CTNNA1: variants seen among roughly 807,000 people sequenced by gnomAD.
The protein encoded by CTNNA1 is catenin alpha-1.
CTNNA1 carries 37 observed loss-of-function variants against 98.4 expected under a neutral mutation model. The ratio of observed to expected loss-of-function variants is 0.38; its 90% CI spans 0.29 to 0.49. The LOEUF is 0.49. Ranked by LOEUF, CTNNA1 falls within the 20% of genes least tolerant of loss-of-function variation. The probability of loss-of-function intolerance (pLI) is 0.95; values close to 1 mark genes in which losing one functional copy is unlikely to be tolerated. For missense variants in CTNNA1, 761 were observed against 1,147.2 expected, an observed-to-expected ratio of 0.66 and a Z score of 4.86; for synonymous variants, 404 against 413.2, an observed-to-expected ratio of 0.98 and a Z score of 0.27.
At chr5:138,923,831 G>T (rs1448893198) in intron 11 of CTNNA1, among the ~76,000 whole-genome samples, 3 of 152,224 alleles carry the variant, frequency 2.0e-5, no homozygotes, top group Non-Finnish European at 4.4e-5. Context: ...TAGTTTTGGT[G>T]TGTTGCCCAA....
At chr5:138,912,287 A>G (rs926395694) in intron 10 of CTNNA1, among the ~76,000 whole-genome samples, 25 of 152,162 alleles carry the variant, frequency 1.6e-4, no homozygotes, top group African/African-American at 6.0e-4. Flanking sequence ...TTTCTAGGAA[A>G]AGATTAGATG....
chr5:138,769,667 C>T (rs77811072), intron 1 of CTNNA1, among the ~76,000 whole-genome samples: 4,972 of 146,882 alleles, frequency 0.034, 230 homozygotes, highest in African/African-American at 0.11. Context: ...CGAGTTGCTG[C>T]GATTACAGGC....
At chr5:138,913,687 C>A (rs905923131) in intron 10 of CTNNA1, among the ~76,000 whole-genome samples, 2 of 151,618 alleles carry the variant, frequency 1.3e-5, no homozygotes, top group Non-Finnish European at 2.9e-5. Flanking sequence ...CTATTATTTT[C>A]ATTTCTCACC....
intron 7 of CTNNA1, among the ~76,000 whole-genome samples, chr5:138,864,525 G>C (rs1435552967): frequency 6.6e-6 from 1 of 152,074 alleles, no homozygotes; most frequent in Non-Finnish European, 1.5e-5. Flanking sequence ...CGAGAAGAAG[G>C]GTAGTTTTTG....
At chr5:138,893,322 C>T (rs1275246864) in intron 9 of CTNNA1, among the ~76,000 whole-genome samples, 1 of 152,090 alleles carries the variant, frequency 6.6e-6, no homozygotes, top group African/African-American at 2.4e-5. Flanking sequence ...GGTCAGCATC[C>T]CTAGGCTTTC....
rs186928598 is a variant in CTNNA1 at position 138,880,890 on chromosome 5, T to G, written c.1063-5322T>G. Among the ~76,000 whole-genome samples, 173 of 152,216 alleles carry G rather than the reference T, an allele frequency of 1.1e-3. No homozygotes were observed. The highest frequency in any genetic ancestry group is 4.0e-3 in the African/African-American group (167 of 41,532). ...TGGAAACCATCATCTGAGAACCCTC[T>G]TAATAGGTTCTGGGCTGGAGGGGCA... On this transcript the variant is annotated intron_variant, in intron 7 of 17. Transcript: ENST00000302763.
rs1580786471 is a variant in CTNNA1, at chr5:138,916,230, T to C, written c.1390-1512T>C. On this transcript the variant is annotated intron_variant, in intron 10 of 17. Coordinates refer to ENST00000302763, the MANE Select transcript of CTNNA1 (RefSeq NM_001903.5). ...AGAGTTAATGGGAAATGGCTGCTAATGGATATGGATGGGGTTTCTTTTTGG... is the reference window on the plus strand; with the variant it reads ...AGAGTTAATGGGAAATGGCTGCTAACGGATATGGATGGGGTTTCTTTTTGG... Among the ~76,000 whole-genome samples the C allele has an allele frequency of 2.1e-5, 3 of 145,196 alleles. No homozygotes were observed. In the South Asian group the frequency reaches 6.4e-4, roughly 31 times the overall value.
At chr5:138,753,791 G>A (rs1276597745) in intron 1 of CTNNA1, 2 of 265,474 alleles carry the variant, frequency 7.5e-6, no homozygotes, top group Non-Finnish European at 1.4e-5. Flanking sequence ...GGGCTGGGGA[G>A]GAGAAACTAT....
At chr5:138,806,611 C>G (rs1243992255) in intron 3 of CTNNA1, among the ~76,000 whole-genome samples, 1 of 152,132 alleles carries the variant, frequency 6.6e-6, no homozygotes, top group East Asian at 1.9e-4. Flanking sequence ...TTTACTTTGA[C>G]TTCACTCTGG....
chr5:138,869,225 C>A (rs1478862494), intron 7 of CTNNA1: 2 of 149,238 alleles, frequency 1.3e-5, no homozygotes, highest in Admixed American at 1.3e-4. Flanking sequence ...GAAAGAGTTG[C>A]AGAGGTTTCC....
chr5:138,903,068 AAGTG>A (rs1430396102), intron 9 of CTNNA1, among the ~76,000 whole-genome samples: 1 of 152,092 alleles, frequency 6.6e-6, no homozygotes, highest in Non-Finnish European at 1.5e-5. Context: ...CAGGGAGTAT[AAGTG>A]TTGCTTCTTT....
chr5:138,812,506 A>G (rs1758936038), intron 5 of CTNNA1, among the ~76,000 whole-genome samples: 1 of 152,174 alleles, frequency 6.6e-6, no homozygotes, highest in African/African-American at 2.4e-5. Flanking sequence ...TCCTATTTTA[A>G]TTCTTGTGAA....
chr5:138,875,637 G>A (rs1751313681), intron 7 of CTNNA1: 10 of 985,332 alleles, frequency 1.0e-5, no homozygotes, highest in Non-Finnish European at 1.2e-5. Context: ...TAATGCTTGT[G>A]AGAGCCAGTG....
At chr5:138,830,071 G>A (rs2149791416) in intron 7 of CTNNA1, among the ~76,000 whole-genome samples, 1 of 152,190 alleles carries the variant, frequency 6.6e-6, no homozygotes, top group East Asian at 1.9e-4. Context: ...GGAGGCTGAT[G>A]CAGGAGAATG....
At chr5:138,834,872 A>C (rs997525790) in intron 7 of CTNNA1, among the ~76,000 whole-genome samples, 7 of 152,156 alleles carry the variant, frequency 4.6e-5, no homozygotes, top group African/African-American at 1.7e-4. Context: ...GCTGAGTCCA[A>C]AAAGAGAGTC....
intron 7 of CTNNA1, among the ~76,000 whole-genome samples, chr5:138,875,895 GA>G: frequency 6.6e-6 from 1 of 152,156 alleles, no homozygotes; most frequent in Non-Finnish European, 1.5e-5. Context: ...CATTATAAAC[GA>G]AGAATAAAGG....
chr5:138,782,095 TA>T, intron 2 of CTNNA1, 66 bp downstream of exon 2: 3 of 1,470,272 alleles, frequency 2.0e-6, no homozygotes, highest in Non-Finnish European at 2.8e-6. Flanking sequence ...GTAACAACCA[TA>T]AGAGCAAGGT....
At chr5:138,892,334 T>TTTTTTG (rs1755595684) in intron 9 of CTNNA1, among the ~76,000 whole-genome samples, 1 of 68,332 alleles carries the variant, frequency 1.5e-5, no homozygotes, top group African/African-American at 5.3e-5. Context: ...CTTAGTTTTT[T>TTTTTTG]TTTTTTTTTT....
intron 7 of CTNNA1, among the ~76,000 whole-genome samples, chr5:138,831,909 A>AAGG (rs1307206468): frequency 1.3e-5 from 2 of 152,318 alleles, no homozygotes; most frequent in East Asian, 3.9e-4. Flanking sequence ...TCATGGTGCT[A>AAGG]AGGAGGTAAT....
Sources: allele counts gnomAD v4.1 joint callset (sites outside exome capture counted in the v4.1 genomes callset), GRCh38; gene constraint gnomAD v4.1.1; transcripts MANE v1.5; gene names NCBI Gene and HGNC (gene_info 2026-07-23, HGNC 2026-07-21).